Variants in TUBB3 observed in about 807,000 individuals in gnomAD.
The protein encoded by TUBB3 is tubulin beta 3 class III, also known as tubulin beta-3 chain.
Under a neutral mutation model 37.8 loss-of-function variants are expected in TUBB3, and 17 were observed. That is an observed-to-expected ratio of 0.45 (90% CI 0.31 to 0.67). The LOEUF (loss-of-function observed/expected upper bound fraction) is 0.67. TUBB3 is among the 30% of genes least tolerant of loss of function. The pLI, the probability that TUBB3 is intolerant of heterozygous loss-of-function variation, is 0.07. For missense variants in TUBB3, 262 were observed against 657.9 expected, an observed-to-expected ratio of 0.40 and a Z score of 6.58; for synonymous variants, 332 against 278.9, an observed-to-expected ratio of 1.19 and a Z score of -1.90.
At chr16:89,933,363 A>C in intron 2 of TUBB3, 105 bp from the exon 3 acceptor site, 1 of 954,736 alleles carries the variant, frequency 1.0e-6, no homozygotes, top group Non-Finnish European at 1.7e-6. Flanking sequence ...ACAGGCTCTT[A>C]GGATGTGAGC....
At chr16:89,931,230 T>C (rs955644990) in intron 1 of TUBB3, among the ~76,000 whole-genome samples, 7 of 152,226 alleles carry the variant, frequency 4.6e-5, no homozygotes, top group African/African-American at 1.4e-4. Flanking sequence ...AGTGCTGGGA[T>C]TACAGTCATG....
chr16:89,923,750 G>T (rs1002177000), intron 1 of TUBB3, among the ~76,000 whole-genome samples: 1 of 152,112 alleles, frequency 6.6e-6, no homozygotes, highest in African/African-American at 2.4e-5. Flanking sequence ...CCCTCCACCG[G>T]GCCTCCGCAG....
At chr16:89,931,999 C>T (rs865891088) in intron 1 of TUBB3, 17 of 272,684 alleles carry the variant, frequency 6.2e-5, no homozygotes, top group Admixed American at 4.1e-4. Context: ...TGGGGGTCCC[C>T]GATGAGACTG....
intron 1 of TUBB3, among the ~76,000 whole-genome samples, chr16:89,927,739 A>G (rs1052499578): frequency 4.6e-5 from 7 of 152,256 alleles, no homozygotes; most frequent in Non-Finnish European, 1.0e-4. Flanking sequence ...ATGAGAAAAC[A>G]GGTCCTGCGA....
At chr16:89,934,578 A>G in intron 3 of TUBB3, 151 bp from the exon 4 acceptor site, 1 of 758,244 alleles carries the variant, frequency 1.3e-6, no homozygotes, top group Non-Finnish European at 2.2e-6. Flanking sequence ...CACGGCGGGT[A>G]TGAGAAGGGG....
At position 89,923,429 on chromosome 16, in the gene TUBB3, G is replaced by T; in HGVS notation, c.28G>T (p.Gly10Cys). 6.6e-7 allele frequency: 1 copy of T among 1,512,876 alleles called. No homozygotes were observed. Among genetic ancestry groups the T allele is most frequent in the African/African-American group, 1.4e-5 (1 of 69,038 alleles). 93.7% of individuals were successfully genotyped at this position (1,512,876 alleles called of 1,614,324 possible). A position where few individuals can be genotyped will look rare whatever the true frequency, so the allele number is the denominator to read the frequency against. Residue 10 changes from glycine to cysteine, a missense_variant, in exon 1 of 4, where the codon GGC becomes TGC. Around this residue, in one of 3 missense-constraint regions of TUBB3, gnomAD observed 58 missense variants for 74.2 expected, o/e 0.78. Transcript: ENST00000315491. MREIVHIQA[G>C]QCGNQIGAKF... ...GAGGGAGATCGTGCACATCCAGGCC[G>T]GCCAGTGCGGCAACCAGATCGGGGC...
intron 1 of TUBB3, among the ~76,000 whole-genome samples, chr16:89,927,168 A>C (rs2030116125): frequency 6.6e-6 from 1 of 152,084 alleles, no homozygotes; most frequent in South Asian, 2.1e-4. Context: ...TGAGGTCAGC[A>C]CTTCAGGGCC....
At chr16:89,928,371 T>G (rs1020908728) in intron 1 of TUBB3, among the ~76,000 whole-genome samples, 1 of 151,618 alleles carries the variant, frequency 6.6e-6, no homozygotes, top group Non-Finnish European at 1.5e-5. Context: ...TTTTGTTTGT[T>G]TGTTTGAGAT....
At position 89,934,719 on chromosome 16, in the gene TUBB3, C is replaced by G. The variant is rs1369160544; in HGVS notation, c.278-10C>G. Reference sequence around the variant, plus strand: ...GGCCCCTGTCTCTTACCCCTCTTCTCCCTGTACAGGTCAGAGTGGGGCCGG... The same window carrying G: ...GGCCCCTGTCTCTTACCCCTCTTCTGCCTGTACAGGTCAGAGTGGGGCCGG... On this transcript the variant is annotated splice_polypyrimidine_tract_variant and intron_variant, in intron 3 of 3. Coordinates refer to ENST00000315491, the MANE Select transcript of TUBB3 (RefSeq NM_006086.4). 6.2e-7 allele frequency: 1 copy of G among 1,613,714 alleles called. No homozygotes were observed. Among genetic ancestry groups the G allele is most frequent in the Middle Eastern group, 1.6e-4 (1 of 6,062 alleles).
chr16:89,931,309 CAT>C (rs1267530449), intron 1 of TUBB3, among the ~76,000 whole-genome samples: 2 of 152,246 alleles, frequency 1.3e-5, no homozygotes, highest in Non-Finnish European at 2.9e-5. Flanking sequence ...TTCTGCAGCA[CAT>C]GACTCACATG....
At chr16:89,926,363 G>C (rs1412547114) in intron 1 of TUBB3, among the ~76,000 whole-genome samples, 1 of 152,170 alleles carries the variant, frequency 6.6e-6, no homozygotes, top group Non-Finnish European at 1.5e-5. Flanking sequence ...CGGGCCGGGC[G>C]GGAACCGCAT....
At chr16:89,929,724 C>T (rs1312856493) in intron 1 of TUBB3, among the ~76,000 whole-genome samples, 8 of 152,088 alleles carry the variant, frequency 5.3e-5, no homozygotes, top group Non-Finnish European at 8.8e-5. Flanking sequence ...TTATTTGAGA[C>T]GGTGTTTCCT....
rs2302897 is a variant in TUBB3, at chr16:89,932,549, C to A, written c.58-22C>A. Reference sequence around the variant, plus strand: ...GGGGCTATGGGCCGGTGCCGACCCCCCCTCTCCCACTTTGTTTGCAGTTCT... The same window carrying A: ...GGGGCTATGGGCCGGTGCCGACCCCACCTCTCCCACTTTGTTTGCAGTTCT... On this transcript the variant is annotated intron_variant, in intron 1 of 3. Transcript: ENST00000315491. 20 of 1,607,634 alleles carry A rather than the reference C, an allele frequency of 1.2e-5. No homozygotes were observed. In the South Asian group the frequency reaches 2.2e-4, roughly 18 times the overall value.
At chr16:89,927,362 G>A (rs1487181706) in intron 1 of TUBB3, among the ~76,000 whole-genome samples, 2 of 151,436 alleles carry the variant, frequency 1.3e-5, no homozygotes, top group South Asian at 4.2e-4. Context: ...TCTAGCCTGG[G>A]CAATAGAGCA....
In TUBB3 at chr16:89,935,723, G is replaced by A; in HGVS notation, c.1272G>A (p.Gln424=). ...NMNDLVSEYQ[Q]YQDATAEEEG... ...ACGACCTGGTGTCCGAGTACCAGCA[G>A]TACCAGGACGCCACGGCCGAGGAAG... The change falls in exon 4 of 4, where the codon CAG becomes CAA. Residue 424 remains glutamine, a synonymous_variant. Transcript: ENST00000315491. The A allele has an allele frequency of 6.2e-7, 1 of 1,613,908 alleles. No homozygotes were observed. Among genetic ancestry groups the A allele is most frequent in the Non-Finnish European group, 8.5e-7 (1 of 1,179,926 alleles).
At chr16:89,932,013 C>T (rs1445414510) in intron 1 of TUBB3, 2 of 276,816 alleles carry the variant, frequency 7.2e-6, no homozygotes, top group African/African-American at 2.2e-5. Flanking sequence ...GAGACTGGCT[C>T]TCAGAGTCCC....
rs751535644 is a variant in TUBB3 at position 89,934,757 on chromosome 16, C to A, written c.306C>A (p.Ala102=). 6.2e-7 allele frequency: 1 copy of A among 1,614,126 alleles called. No individual in the cohort carries two copies. Among genetic ancestry groups the A allele is most frequent in the African/African-American group, 1.3e-5 (1 of 75,014 alleles). The change falls in exon 4 of 4, where the codon GCC becomes GCA. Residue 102 remains alanine (A), a synonymous_variant. Transcript: ENST00000315491. ...FGQSGAGNNW[A]KGHYTEGAEL... is the part of the protein sequence containing the mutation. ...AGAGTGGGGCCGGCAACAACTGGGC[C>A]AAGGGTCACTACACGGAGGGGGCGG... is the stretch of plus-strand genomic sequence containing the variant.
rs879448062 is a variant in TUBB3, at chr16:89,927,383, T to TA, written c.57+3937dup. Among the ~76,000 whole-genome samples the TA allele has an allele frequency of 2.5e-3, 352 of 140,346 alleles. 1 individual carries two copies. Among genetic ancestry groups the TA allele is most frequent in the Middle Eastern group, 3.6e-3 (1 of 274 alleles). 92.1% of individuals were successfully genotyped at this position (140,346 alleles called of 152,430 possible). ...CTGGGCAATAGAGCAAGACCCTATC[T>TA]AAAAAAAAAAAAGGAACAATATATT... On this transcript the variant is annotated intron_variant, in intron 1 of 3. Coordinates refer to ENST00000315491, the MANE Select transcript of TUBB3 (RefSeq NM_006086.4).
intron 1 of TUBB3, among the ~76,000 whole-genome samples, chr16:89,926,282 G>T (rs921519037): frequency 2.0e-5 from 3 of 152,228 alleles, no homozygotes; most frequent in Non-Finnish European, 4.4e-5. Flanking sequence ...GCGGGGCCTG[G>T]CCGTCTCAGC....
Sources: gnomAD v4.1 joint callset for allele counts (sites outside exome capture counted in the v4.1 genomes callset) on GRCh38, gnomAD v4.1.1 for gene constraint, gnomAD v4.1.1 regional missense constraint, MANE v1.5 for transcripts, NCBI Gene and HGNC (gene_info 2026-07-23, HGNC 2026-07-21) for gene names.